The following IQSEC1 variants were observed in gnomAD, a reference collection of about 807,000 sequenced individuals.
IQSEC1 encodes IQ motif and Sec7 domain ArfGEF 1, also known as IQ motif and SEC7 domain-containing protein 1.
In IQSEC1, 31 loss-of-function variants were observed where a neutral mutation model predicts 91.0. That is an observed-to-expected ratio of 0.34 (90% CI 0.26 to 0.46). The LOEUF (loss-of-function observed/expected upper bound fraction) is 0.46. Among genes scored for constraint, IQSEC1 ranks in the 20% least tolerant of loss-of-function variants. IQSEC1 has a pLI of 1.00. For missense variants in IQSEC1, 1,388 were observed against 1,575.6 expected (o/e 0.88, Z 2.02); for synonymous variants, 699 against 662.6 (o/e 1.05, Z -0.84).
intron 1 of IQSEC1, among the ~76,000 whole-genome samples, chr3:13,176,423 C>G (rs962461587): frequency 6.6e-6 from 1 of 152,222 alleles, no homozygotes; most frequent in Non-Finnish European, 1.5e-5. Context: ...CTTCTTCCAC[C>G]CTTACCCCTA....
intron 1 of IQSEC1, among the ~76,000 whole-genome samples, chr3:13,167,420 G>C (rs1409243167): frequency 6.6e-6 from 1 of 152,204 alleles, no homozygotes; most frequent in Admixed American, 6.5e-5. Flanking sequence ...CTAGAAACCA[G>C]TTCAAGCTGC....
chr3:12,913,548 G>T lies in IQSEC1; in HGVS notation c.2196C>A (p.Leu732=). The T allele has an allele frequency of 4.4e-6, 7 of 1,603,220 alleles. No homozygotes were observed. The highest frequency in any genetic ancestry group is 2.2e-5 in the South Asian group (2 of 90,682). The part of the protein sequence containing the change: ...GSLHPGLGCV[L]SLPHRRLVCY... The stretch of plus-strand genomic sequence containing the variant: ...AGACCAACCGACGGTGGGGCAGAGA[G>T]AGCACCTGTGTGGGAAGAGGCTGTC... The change falls in exon 9 of 14, where the codon CTC becomes CTA. Residue 732 remains leucine (L), a synonymous_variant. Coordinates refer to ENST00000613206, the MANE Select transcript of IQSEC1 (RefSeq NM_001134382.3).
intron 1 of IQSEC1, among the ~76,000 whole-genome samples, chr3:13,011,762 T>G (rs1466789740): frequency 1.3e-5 from 2 of 152,230 alleles, no homozygotes; most frequent in Non-Finnish European, 2.9e-5. Flanking sequence ...TTGCTGTATT[T>G]GCTTCCGCTG....
Position 13,196,747 on chromosome 3 carries a change from TGC to T in IQSEC1, c.273-32616_273-32615del, listed in dbSNP as rs768429230. On this transcript the variant is annotated intron_variant, in intron 1 of 15. Coordinates refer to the IQSEC1 transcript ENST00000648114. Reference sequence around the variant, plus strand: ...GCGTGCGTGTGTATGTACATGTGTGTGCGTGTGTGTGTGTGTGTGTGTGTGTG... The same window carrying T: ...GCGTGCGTGTGTATGTACATGTGTGTGTGTGTGTGTGTGTGTGTGTGTGTG... Among the ~76,000 whole-genome samples, 10 of 116,544 alleles carry T rather than the reference TGC, an allele frequency of 8.6e-5. No individual in the cohort carries two copies. In the East Asian group the frequency reaches 1.6e-3, roughly 18 times the overall value. 76.5% of individuals were successfully genotyped at this position (116,544 alleles called of 152,430 possible).
chr3:13,218,979 C>T lies in IQSEC1; in HGVS notation c.273-54846G>A, dbSNP rs145149449. 1.8e-3 allele frequency among the ~76,000 whole-genome samples: 277 copies of T among 152,312 alleles called. 2 individuals carry two copies. The highest frequency in any genetic ancestry group is 6.8e-3 in the Middle Eastern group (2 of 294). ...AATGCCACCCACCAAGTCAGCTGCA[C>T]GTGCACCCAAAATGCTCTTGTCGCC... is the stretch of plus-strand genomic sequence containing the variant. On this transcript the variant is annotated intron_variant, in intron 1 of 15. Transcript: ENST00000648114.
chr3:13,091,247 G>T (rs1559253095), intron 2 of IQSEC1, among the ~76,000 whole-genome samples: 3 of 152,200 alleles, frequency 2.0e-5, no homozygotes, highest in Non-Finnish European at 4.4e-5. Context: ...AGCAGCATCG[G>T]TCTCTCTGCC....
At chr3:12,947,703 G>T (rs1699275045) in intron 1 of IQSEC1, among the ~76,000 whole-genome samples, 1 of 152,198 alleles carries the variant, frequency 6.6e-6, no homozygotes, top group Non-Finnish European at 1.5e-5. Flanking sequence ...GCACGTAAGG[G>T]CCTGGAGCTG....
chr3:13,202,187 C>T (rs1694256943), intron 1 of IQSEC1, among the ~76,000 whole-genome samples: 1 of 152,190 alleles, frequency 6.6e-6, no homozygotes, highest in Non-Finnish European at 1.5e-5. Context: ...AAATTGGAAT[C>T]CTTGTGTACT....
chr3:13,161,695 T>G (rs1707179496), intron 2 of IQSEC1, among the ~76,000 whole-genome samples: 2 of 152,198 alleles, frequency 1.3e-5, no homozygotes, highest in African/African-American at 4.8e-5. Flanking sequence ...TCAGCAACAC[T>G]GTCTACTGCG....
intron 2 of IQSEC1, among the ~76,000 whole-genome samples, chr3:13,081,551 G>A (rs1186139583): frequency 6.6e-6 from 1 of 152,224 alleles, no homozygotes; most frequent in Non-Finnish European, 1.5e-5. Flanking sequence ...TTATAGGCAT[G>A]AGCCACCATG....
chr3:13,049,348 T>A (rs1704607178), intron 1 of IQSEC1, among the ~76,000 whole-genome samples: 1 of 152,168 alleles, frequency 6.6e-6, no homozygotes, highest in Admixed American at 6.5e-5. Flanking sequence ...GCCACAGCCA[T>A]AGAGATTCAA....
chr3:13,086,804 G>C (rs528473807), intron 2 of IQSEC1, among the ~76,000 whole-genome samples: 1 of 152,300 alleles, frequency 6.6e-6, no homozygotes, highest in Admixed American at 6.5e-5. Context: ...CCCAGGCACT[G>C]TCTCCTCACC....
intron 1 of IQSEC1, among the ~76,000 whole-genome samples, chr3:13,072,367 C>A (rs1418927069): frequency 6.6e-6 from 1 of 152,240 alleles, no homozygotes; most frequent in Non-Finnish European, 1.5e-5. Context: ...GAAGCGCAGG[C>A]TTTGGTTTCC....
chr3:13,072,218 T>C (rs927896980), intron 1 of IQSEC1, among the ~76,000 whole-genome samples: 14 of 152,224 alleles, frequency 9.2e-5, no homozygotes, highest in African/African-American at 2.9e-4. Flanking sequence ...GACCTGACGC[T>C]GGGCCTCAAC....
intron 2 of IQSEC1, among the ~76,000 whole-genome samples, chr3:13,124,776 T>TC (rs11340110): frequency 4.0e-5 from 6 of 151,768 alleles, no homozygotes; most frequent in Non-Finnish European, 5.9e-5. Context: ...AGCTCCTGGA[T>TC]CCCCCCCAGA....
chr3:13,274,269 T>G (rs898285989), intron 1 of IQSEC1, among the ~76,000 whole-genome samples: 9 of 152,314 alleles, frequency 5.9e-5, no homozygotes, highest in African/African-American at 2.2e-4. Flanking sequence ...ACCTGAGCGC[T>G]GAGGCCATCC....
chr3:13,077,819 G>A (rs1705586532), upstream of IQSEC1, among the ~76,000 whole-genome samples: 1 of 152,246 alleles, frequency 6.6e-6, no homozygotes, highest in Non-Finnish European at 1.5e-5. Context: ...CCCCTGTCTT[G>A]GGGGAGAAGA....
intron 1 of IQSEC1, among the ~76,000 whole-genome samples, chr3:13,176,504 C>T (rs1308746573): frequency 3.9e-5 from 6 of 152,192 alleles, no homozygotes; most frequent in Non-Finnish European, 8.8e-5. Context: ...TCTCTCTCAC[C>T]AACCAGTAAA....
chr3:13,084,350 G>T (rs963943056), intron 2 of IQSEC1, among the ~76,000 whole-genome samples: 3 of 152,156 alleles, frequency 2.0e-5, no homozygotes, highest in African/African-American at 7.2e-5. Flanking sequence ...GACATACTCA[G>T]CTCAAAGCCT....
Sources: allele counts gnomAD v4.1 joint callset (sites outside exome capture counted in the v4.1 genomes callset), GRCh38; gene constraint gnomAD v4.1.1; transcripts MANE v1.5; gene names NCBI Gene and HGNC (gene_info 2026-07-23, HGNC 2026-07-21).